The following LPP variants were observed in gnomAD, a reference collection of about 807,000 sequenced individuals.
LPP encodes the protein lipoma-preferred partner.
LPP carries 38 observed loss-of-function variants against 60.4 expected under a neutral mutation model. The observed-to-expected ratio is 0.63, with a 90% confidence interval of 0.49 to 0.83. The LOEUF is 0.83. Ranked by LOEUF, LPP falls within the 40% of genes least tolerant of loss-of-function variation. The probability of loss-of-function intolerance (pLI) is 0.00; values close to 1 mark genes in which losing one functional copy is unlikely to be tolerated. For synonymous variants in LPP, 328 were observed against 290.8 expected, an observed-to-expected ratio of 1.13 and a Z score of -1.30; for missense variants, 902 against 783.6, an observed-to-expected ratio of 1.15 and a Z score of -1.80.
At chr3:188,307,437 A>G (rs976443908) in intron 2 of LPP, among the ~76,000 whole-genome samples, 2 of 152,208 alleles carry the variant, frequency 1.3e-5, no homozygotes, top group Non-Finnish European at 2.9e-5. Context: ...AATGATTAGA[A>G]ATAGCTGTAA....
In LPP at chr3:188,785,547, T is replaced by TATATATATACACACAC. The variant is rs1206082559; in HGVS notation, c.1410+25266_1410+25267insTATATATACACACACA. Reference sequence around the variant, plus strand: ...ATATATATTCCATCATATATATATATACACACACACACACACACACACACA... The same window carrying TATATATATACACACAC: ...ATATATATTCCATCATATATATATATATATATATACACACACACACACACACACACACACACACACA... On this transcript the variant is annotated intron_variant, in intron 9 of 11. Coordinates refer to ENST00000617246, the MANE Select transcript of LPP (RefSeq NM_001375462.1). Among the ~76,000 whole-genome samples, 284 of 43,842 alleles carry TATATATATACACACAC rather than the reference T, an allele frequency of 6.5e-3. 44 individuals carry two copies. The highest frequency in any genetic ancestry group is 0.011 in the African/African-American group (119 of 10,630). 28.8% of individuals were successfully genotyped at this position (43,842 alleles called of 152,430 possible).
intron 9 of LPP, among the ~76,000 whole-genome samples, chr3:188,818,679 T>C (rs1753128924): frequency 6.6e-6 from 1 of 152,228 alleles, no homozygotes; most frequent in South Asian, 2.1e-4. Context: ...CCCAGGTTTG[T>C]ATCCCAGCTT....
intron 1 of LPP, among the ~76,000 whole-genome samples, chr3:188,216,257 C>T (rs919602363): frequency 3.4e-5 from 5 of 148,868 alleles, no homozygotes; most frequent in South Asian, 2.1e-4. Context: ...TGACTCTGCT[C>T]GTCTTCTTCT....
chr3:188,519,503 A>G (rs1818298062), intron 5 of LPP, among the ~76,000 whole-genome samples: 1 of 152,222 alleles, frequency 6.6e-6, no homozygotes, highest in African/African-American at 2.4e-5. Context: ...TGGGGTGAAA[A>G]TTAACAGTAG....
chr3:188,248,007 C>G (rs1476309542), intron 2 of LPP, among the ~76,000 whole-genome samples: 1 of 152,030 alleles, frequency 6.6e-6, no homozygotes, highest in Non-Finnish European at 1.5e-5. Flanking sequence ...GTGGGTGAGA[C>G]CCAAGCTCAG....
At chr3:188,268,135 C>T (rs1392513190) in intron 2 of LPP, among the ~76,000 whole-genome samples, 1 of 149,616 alleles carries the variant, frequency 6.7e-6, no homozygotes, top group African/African-American at 2.5e-5. Flanking sequence ...TGACACTCTG[C>T]TATTCTTCAG....
chr3:188,173,756 A>G (rs949823093), intron 1 of LPP, among the ~76,000 whole-genome samples: 19 of 152,096 alleles, frequency 1.2e-4, no homozygotes, highest in African/African-American at 4.1e-4. Flanking sequence ...TTCTTAGGGG[A>G]AGAGACTGAG....
At chr3:188,647,305 A>C (rs1404756695) in intron 7 of LPP, among the ~76,000 whole-genome samples, 1 of 152,172 alleles carries the variant, frequency 6.6e-6, no homozygotes, top group Non-Finnish European at 1.5e-5. Flanking sequence ...TTGATCCGGT[A>C]AAGAGCGTCT....
At chr3:188,859,416 C>T (rs953853669) in intron 9 of LPP, among the ~76,000 whole-genome samples, 2 of 152,118 alleles carry the variant, frequency 1.3e-5, no homozygotes, top group Admixed American at 6.5e-5. Context: ...CTCTTCTCTG[C>T]ATTCCCATCA....
At chr3:188,496,717 T>C (rs1283982663) in intron 5 of LPP, among the ~76,000 whole-genome samples, 1 of 152,220 alleles carries the variant, frequency 6.6e-6, no homozygotes, top group East Asian at 1.9e-4. Flanking sequence ...AGTTGTCACT[T>C]TCCTTTCCCA....
intron 1 of LPP, among the ~76,000 whole-genome samples, chr3:188,201,575 C>T (rs752304813): frequency 5.9e-5 from 9 of 152,046 alleles, no homozygotes; most frequent in Admixed American, 2.6e-4. Flanking sequence ...GGAGTGGTGG[C>T]GCATGCCTGT....
chr3:188,526,356 G>A (rs1225307162), intron 6 of LPP, among the ~76,000 whole-genome samples: 1 of 151,858 alleles, frequency 6.6e-6, no homozygotes, highest in Non-Finnish European at 1.5e-5. Context: ...ATGCAGTGGC[G>A]CAATCTCAGC....
intron 6 of LPP, among the ~76,000 whole-genome samples, chr3:188,607,370 G>GATAGATAGAT (rs1553941079): frequency 4.9e-5 from 5 of 102,736 alleles, no homozygotes; most frequent in African/African-American, 1.8e-4. Flanking sequence ...GAAAATAGAA[G>GATAGATAGAT]ATATATATAT....
intron 7 of LPP, among the ~76,000 whole-genome samples, chr3:188,638,226 A>G (rs1051584036): frequency 1.4e-5 from 2 of 143,496 alleles, no homozygotes; most frequent in Non-Finnish European, 3.1e-5. Context: ...AAATCAATAA[A>G]TGTAATCCAG....
intron 2 of LPP, among the ~76,000 whole-genome samples, chr3:188,273,400 G>A (rs1738490745): frequency 6.6e-6 from 1 of 152,082 alleles, no homozygotes; most frequent in African/African-American, 2.4e-5. Context: ...CTAATATGGT[G>A]CCAGGCTTTG....
At chr3:188,711,233 G>T (rs1866569679) in intron 8 of LPP, 1 of 152,122 alleles carries the variant, frequency 6.6e-6, no homozygotes. Flanking sequence ...TGGAAAAATG[G>T]CTAACTTTTA....
chr3:188,637,398 A>G (rs1849043437), intron 7 of LPP, among the ~76,000 whole-genome samples: 1 of 152,142 alleles, frequency 6.6e-6, no homozygotes, highest in Admixed American at 6.5e-5. Context: ...CTAAATGCCC[A>G]CAAGAGAAAG....
chr3:188,182,683 C>T lies in LPP; in HGVS notation c.-190+28431C>T, dbSNP rs1304567084. Among the ~76,000 whole-genome samples, 1 of 150,522 alleles carries T rather than the reference C, an allele frequency of 6.6e-6. No homozygotes were observed. Among genetic ancestry groups the T allele is most frequent in the African/African-American group, 2.4e-5 (1 of 40,958 alleles). ...AAGGGAACATAGGGATCTTTAAGTC[C>T]AGTGATTTTTAACCAGCTAAAGAAT... On this transcript the variant is annotated intron_variant, in intron 1 of 11. Coordinates refer to ENST00000617246, the MANE Select transcript of LPP (RefSeq NM_001375462.1). This position sits in a 1 kb window ranked among gnomAD's most constrained non-coding sequence, Gnocchi z 4.4.
At chr3:188,321,246 G>A (rs1217442968) in intron 2 of LPP, among the ~76,000 whole-genome samples, 1 of 152,234 alleles carries the variant, frequency 6.6e-6, no homozygotes, top group Non-Finnish European at 1.5e-5. Context: ...GAGATGTGCT[G>A]TATAATATGG....
Sources: gnomAD v4.1 joint callset for allele counts (sites outside exome capture counted in the v4.1 genomes callset) on GRCh38, gnomAD v4.1.1 for gene constraint, Gnocchi (gnomAD v3.1) non-coding constraint, MANE v1.5 for transcripts, NCBI Gene and HGNC (gene_info 2026-07-23, HGNC 2026-07-21) for gene names.